The following NTRK3 variants were observed in gnomAD, a reference collection of about 807,000 sequenced individuals.
NTRK3 encodes the protein neurotrophic receptor tyrosine kinase 3, also known as NT-3 growth factor receptor.
In NTRK3, 24 loss-of-function variants were observed where a neutral mutation model predicts 91.7. That is an observed-to-expected ratio of 0.26 (90% confidence interval 0.19 to 0.37). The LOEUF is 0.37. Ranked by LOEUF, NTRK3 falls within the 10% of genes least tolerant of loss-of-function variation. NTRK3 has a pLI of 1.00. For missense variants in NTRK3, 880 were observed against 1,068.9 expected (o/e 0.82, Z 2.46); for synonymous variants, 483 against 404.0 (o/e 1.20, Z -2.34).
chr15:87,924,924 C>T (rs1470296650), intron 17 of NTRK3, among the ~76,000 whole-genome samples: 2 of 152,178 alleles, frequency 1.3e-5, no homozygotes, highest in Admixed American at 6.5e-5. Context: ...CCTCCCTGAT[C>T]TCAGTGTATT....
At chr15:88,082,327 T>A (rs1481607831) in intron 13 of NTRK3, among the ~76,000 whole-genome samples, 1 of 151,714 alleles carries the variant, frequency 6.6e-6, no homozygotes, top group Non-Finnish European at 1.5e-5. Flanking sequence ...CCCCCAGACT[T>A]CAGCAGCGGG....
chr15:88,139,656 C>T (rs537034981), intron 6 of NTRK3, among the ~76,000 whole-genome samples: 2 of 151,950 alleles, frequency 1.3e-5, no homozygotes, highest in African/African-American at 2.4e-5. Context: ...TTGCTTCTTA[C>T]GACAACCCTG....
chr15:88,213,811 G>A (rs914766526), intron 3 of NTRK3, among the ~76,000 whole-genome samples: 30 of 152,162 alleles, frequency 2.0e-4, no homozygotes, highest in African/African-American at 6.5e-4. Context: ...CAAGTGCAGT[G>A]GCTCACACCT....
rs1383998317 is a variant in NTRK3, at chr15:88,147,475, A to C, written c.396-72T>G. 10 of 1,267,570 alleles carry C rather than the reference A, an allele frequency of 7.9e-6. No homozygotes were observed. The African/African-American group carries it at 1.0e-4, about 13-fold the overall frequency. The allele number at this position is 1,267,570 out of a possible 1,614,324, so 78.5% of individuals were successfully genotyped here. On this transcript the variant is annotated intron_variant, in intron 5 of 18. Coordinates refer to ENST00000394480, the Ensembl canonical transcript of NTRK3. ...AAATAATGCTCTAGGTAGTAAGCTT[A>C]ATCATTTCACTGGAGCCTGGCTTTG...
At chr15:87,908,791 C>T (rs904015319) in intron 17 of NTRK3, among the ~76,000 whole-genome samples, 1 of 152,094 alleles carries the variant, frequency 6.6e-6, no homozygotes, top group Non-Finnish European at 1.5e-5. Flanking sequence ...ACTCTGGAGT[C>T]CGCCCAGAAA....
At chr15:88,023,810 CGGACT>C (rs1051813875) in intron 14 of NTRK3, among the ~76,000 whole-genome samples, 1 of 152,210 alleles carries the variant, frequency 6.6e-6, no homozygotes, top group Non-Finnish European at 1.5e-5. Context: ...AAGTCCATCC[CGGACT>C]TCTTCTAGAG....
chr15:87,953,046 C>T (rs547893976), intron 14 of NTRK3, among the ~76,000 whole-genome samples: 65 of 152,212 alleles, frequency 4.3e-4, no homozygotes, highest in Non-Finnish European at 8.8e-4. Flanking sequence ...TGTCGAAGCC[C>T]ACTCACTCTG....
intron 13 of NTRK3, among the ~76,000 whole-genome samples, chr15:88,069,101 C>G (rs1446765688): frequency 6.6e-6 from 1 of 152,160 alleles, no homozygotes; most frequent in Non-Finnish European, 1.5e-5. Context: ...CAAAAGTTAT[C>G]AACATTGCAG....
rs1252677993 is a variant in NTRK3, at chr15:87,914,873, C to T, written c.2133+14318G>A. Among the ~76,000 whole-genome samples, 8 of 152,310 alleles carry T rather than the reference C, an allele frequency of 5.3e-5. No individual in the cohort carries two copies. In the East Asian group the frequency reaches 1.4e-3, roughly 26 times the overall value. On this transcript the variant is annotated intron_variant, in intron 17 of 18. Transcript: ENST00000394480. ...CAGAGTTGGAGAGCTGGAGTACAGACCACCACCTACCAGTCAACTTTGGAA... is the reference window on the plus strand; with the variant it reads ...CAGAGTTGGAGAGCTGGAGTACAGATCACCACCTACCAGTCAACTTTGGAA...
intron 13 of NTRK3, among the ~76,000 whole-genome samples, chr15:88,104,845 G>T (rs1467565601): frequency 1.3e-5 from 2 of 152,192 alleles, no homozygotes; most frequent in Non-Finnish European, 1.5e-5. Context: ...AGGGCTAAGA[G>T]GCCAGAGTCA....
exon 19 of NTRK3, chr15:87,873,362 T>C (rs1411950340): frequency 8.8e-6 from 2 of 228,568 alleles, no homozygotes; most frequent in Admixed American, 1.1e-4. Flanking sequence ...GGGATATCAT[T>C]AGAGGGCAGA....
chr15:88,243,012 G>A lies in NTRK3; in HGVS notation c.248+12894C>T, dbSNP rs1208074168. 5.9e-5 allele frequency among the ~76,000 whole-genome samples: 9 copies of A among 152,252 alleles called. No homozygotes were observed. Among genetic ancestry groups the A allele is most frequent in the East Asian group, 5.8e-4 (3 of 5,182 alleles). ...CCCATAGGCCATAGGGCCCTCCCAC[G>A]GAGGAGGAGGAGCTGCAGCTGCAGG... On this transcript the variant is annotated intron_variant, in intron 3 of 18. Transcript: ENST00000394480. The surrounding 1 kb of genome is among the most constrained non-coding windows in gnomAD (Gnocchi z 4.8).
At chr15:88,116,614 A>G (rs1466171085) in intron 13 of NTRK3, among the ~76,000 whole-genome samples, 2 of 152,144 alleles carry the variant, frequency 1.3e-5, no homozygotes, top group Admixed American at 6.5e-5. Context: ...TTTACCCCTT[A>G]TTACTTAAAG....
intron 3 of NTRK3, chr15:88,252,378 G>A (rs2053495898): frequency 6.6e-6 from 1 of 152,200 alleles, no homozygotes. Flanking sequence ...GGGCCTTCAG[G>A]GAGGGCCATG....
At chr15:88,211,835 CA>C (rs2049273037) in intron 3 of NTRK3, among the ~76,000 whole-genome samples, 1 of 152,210 alleles carries the variant, frequency 6.6e-6, no homozygotes, top group Non-Finnish European at 1.5e-5. Context: ...TGTGACATTG[CA>C]GAGGACATGT....
chr15:88,126,529 T>A (rs750153119), intron 12 of NTRK3, among the ~76,000 whole-genome samples, 156 bp from the exon 13 acceptor site: 1 of 152,120 alleles, frequency 6.6e-6, no homozygotes, highest in African/African-American at 2.4e-5. Context: ...GAAGAAGAAA[T>A]ATATGAGACC....
intron 3 of NTRK3, among the ~76,000 whole-genome samples, chr15:88,215,879 T>G (rs1260347937): frequency 6.6e-6 from 1 of 152,220 alleles, no homozygotes; most frequent in Non-Finnish European, 1.5e-5. Context: ...CTCTGTGCTG[T>G]TCTTTCCCTG....
chr15:88,145,973 C>T (rs930431535), intron 6 of NTRK3, among the ~76,000 whole-genome samples: 1 of 152,132 alleles, frequency 6.6e-6, no homozygotes, highest in Non-Finnish European at 1.5e-5. Flanking sequence ...CAGTGAGTGA[C>T]CTTAAACAGT....
intron 14 of NTRK3, among the ~76,000 whole-genome samples, chr15:87,964,601 C>G (rs1462526077): frequency 6.6e-6 from 1 of 152,084 alleles, no homozygotes; most frequent in East Asian, 1.9e-4. Context: ...AGTTTTCAAA[C>G]ATTCATCACC....
Sources: allele counts gnomAD v4.1 joint callset (sites outside exome capture counted in the v4.1 genomes callset), GRCh38; gene constraint gnomAD v4.1.1; non-coding constraint Gnocchi (gnomAD v3.1); transcripts MANE v1.5; gene names NCBI Gene and HGNC (gene_info 2026-07-23, HGNC 2026-07-21).